Variants in DOCK1 observed in about 807,000 individuals in gnomAD.
DOCK1 encodes the protein dedicator of cytokinesis protein 1.
DOCK1 carries 138 observed loss-of-function variants against 262.7 expected under a neutral mutation model. The observed-to-expected ratio is 0.53, with a 90% CI of 0.46 to 0.61. The LOEUF is 0.61. Ranked by LOEUF, DOCK1 falls within the 20% of genes least tolerant of loss-of-function variation. The pLI, the probability that DOCK1 is intolerant of heterozygous loss-of-function variation, is 0.00. For synonymous variants in DOCK1, 866 were observed against 867.4 expected (o/e 1.00, Z 0.03); for missense variants, 1,908 against 2,370.7 (o/e 0.80, Z 4.05).
rs192442371 is a variant in DOCK1 at position 127,433,521 on chromosome 10, A to G, written c.5060+93A>G. On this transcript the variant is annotated intron_variant, in intron 48 of 51. Coordinates refer to ENST00000623213, the MANE Select transcript of DOCK1 (RefSeq NM_001290223.2). ...AGGGCTCTGGGTTTATTTTCTTACAACTGAGGATTTTGTGTTCATCAAAAT... is the reference window on the plus strand; with the variant it reads ...AGGGCTCTGGGTTTATTTTCTTACAGCTGAGGATTTTGTGTTCATCAAAAT... 207 of 1,441,400 alleles carry G rather than the reference A, an allele frequency of 1.4e-4. No individual in the cohort carries two copies. In the African/African-American group the frequency reaches 2.6e-3, roughly 18 times the overall value. 89.3% of individuals were successfully genotyped at this position (1,441,400 alleles called of 1,614,324 possible).
At chr10:127,083,153 T>C (rs1289509081) in intron 23 of DOCK1, among the ~76,000 whole-genome samples, 1 of 152,186 alleles carries the variant, frequency 6.6e-6, no homozygotes, top group Non-Finnish European at 1.5e-5. Context: ...AGATCTGTCT[T>C]CTCTAGCAGG....
At chr10:127,260,939 A>G (rs1455992138) in intron 29 of DOCK1, among the ~76,000 whole-genome samples, 11 of 55,788 alleles carry the variant, frequency 2.0e-4, no homozygotes, top group Non-Finnish European at 2.0e-4. Context: ...GTGTGTGTGT[A>G]CCCGTGCTCA....
At chr10:126,985,171 G>C (rs1414507338) in intron 4 of DOCK1, among the ~76,000 whole-genome samples, 1 of 134,034 alleles carries the variant, frequency 7.5e-6, no homozygotes, top group East Asian at 2.0e-4. Flanking sequence ...AGTAGAGACA[G>C]GGTTTCACCA....
At chr10:127,406,310 T>C (rs1297726930) in intron 40 of DOCK1, among the ~76,000 whole-genome samples, 1 of 152,166 alleles carries the variant, frequency 6.6e-6, no homozygotes, top group East Asian at 1.9e-4. Flanking sequence ...CCCGAGCCAA[T>C]AGATGCCAGG....
chr10:127,152,023 ATT>A lies in DOCK1; in HGVS notation c.2847+24266_2847+24267del, dbSNP rs879571862. On this transcript the variant is annotated intron_variant, in intron 27 of 51. Transcript: ENST00000623213. ...AAACAGTGTTCACATATATATATAT[ATT>A]TTTTTTCGATCACCCACAGAATATT... Among the ~76,000 whole-genome samples, 368 of 56,562 alleles carry A rather than the reference ATT, an allele frequency of 6.5e-3. 4 individuals carry two copies. Among genetic ancestry groups the A allele is most frequent in the East Asian group, 0.043 (87 of 2,006 alleles). 37.1% of individuals were successfully genotyped at this position (56,562 alleles called of 152,430 possible). A position where few individuals can be genotyped will look rare whatever the true frequency, so the allele number is the denominator to read the frequency against.
chr10:127,076,276 C>T (rs938083571), intron 23 of DOCK1, among the ~76,000 whole-genome samples: 42 of 152,166 alleles, frequency 2.8e-4, no homozygotes, highest in African/African-American at 7.0e-4. Context: ...CCGAGGTGGG[C>T]GGATCACAAG....
At chr10:127,209,879 C>CT (rs1186564446) in intron 27 of DOCK1, among the ~76,000 whole-genome samples, 2 of 152,168 alleles carry the variant, frequency 1.3e-5, no homozygotes, top group East Asian at 3.9e-4. Context: ...CGCAGAATCT[C>CT]TCAGCAGAGA....
At position 127,134,301 on chromosome 10, in the gene DOCK1, G is replaced by C. The variant is rs1475959774; in HGVS notation, c.2847+6537G>C. ...TATAGGTTGGAGTTGGTCTGCCTGA[G>C]GCTGGGCCATGACTGTGACACCATT... On this transcript the variant is annotated intron_variant, in intron 27 of 51. Transcript: ENST00000623213. Among the ~76,000 whole-genome samples the C allele has an allele frequency of 5.3e-5, 8 of 152,286 alleles. No individual in the cohort carries two copies. The East Asian group carries it at 1.5e-3, about 29-fold the overall frequency.
chr10:127,378,724 G>T (rs915515200), intron 35 of DOCK1, among the ~76,000 whole-genome samples: 1 of 152,220 alleles, frequency 6.6e-6, no homozygotes, highest in Non-Finnish European at 1.5e-5. Context: ...TGAAACCGTA[G>T]CTTGTAAATA....
intron 30 of DOCK1, among the ~76,000 whole-genome samples, chr10:127,341,199 T>C (rs12261123): frequency 0.22 from 33,614 of 152,150 alleles, 3,961 homozygotes; most frequent in East Asian, 0.38. Flanking sequence ...CATGAATAGA[T>C]GACTCTTTCC....
intron 33 of DOCK1, among the ~76,000 whole-genome samples, chr10:127,369,195 G>C (rs900950010): frequency 2.4e-4 from 37 of 152,214 alleles, no homozygotes; most frequent in African/African-American, 8.7e-4. Context: ...TGGTGGAAAG[G>C]CCAATGTATT....
intron 27 of DOCK1, among the ~76,000 whole-genome samples, chr10:127,233,674 C>A (rs1424492043): frequency 1.3e-5 from 2 of 152,200 alleles, no homozygotes; most frequent in African/African-American, 4.8e-5. Flanking sequence ...GCTTCTAGAA[C>A]AATGTCCAAA....
intron 22 of DOCK1, among the ~76,000 whole-genome samples, chr10:127,054,048 G>A (rs918760964): frequency 6.6e-6 from 1 of 152,196 alleles, no homozygotes; most frequent in Admixed American, 6.5e-5. Flanking sequence ...AAAGCATGGT[G>A]CCCTTGTAAC....
chr10:127,342,285 A>C (rs897645827), intron 30 of DOCK1, among the ~76,000 whole-genome samples: 1 of 152,112 alleles, frequency 6.6e-6, no homozygotes, highest in African/African-American at 2.4e-5. Flanking sequence ...TGTCAGTCCC[A>C]AAAACAAAAG....
intron 31 of DOCK1, among the ~76,000 whole-genome samples, chr10:127,346,968 C>T (rs949064575): frequency 6.6e-6 from 1 of 152,194 alleles, no homozygotes; most frequent in African/African-American, 2.4e-5. Context: ...GGACAAAGCC[C>T]CCGGAGCCTG....
chr10:127,142,954 C>T (rs1369022348), intron 27 of DOCK1, among the ~76,000 whole-genome samples: 2 of 152,206 alleles, frequency 1.3e-5, no homozygotes, highest in East Asian at 3.9e-4. Context: ...TCTCAGGCTG[C>T]TCTCCAGCCT....
intron 23 of DOCK1, among the ~76,000 whole-genome samples, chr10:127,070,250 CTTTTTTTTTT>C (rs71032535): frequency 1.1e-5 from 1 of 92,952 alleles, no homozygotes; most frequent in East Asian, 3.5e-4. Context: ...GAATTTAGCC[CTTTTTTTTTT>C]TTTTTTTTTT....
intron 28 of DOCK1, among the ~76,000 whole-genome samples, chr10:127,251,450 A>G (rs2059638991): frequency 1.3e-5 from 2 of 151,556 alleles, no homozygotes; most frequent in Admixed American, 1.3e-4. Context: ...TTACATATGT[A>G]TACATGTGCC....
chr10:127,347,318 G>C (rs2063678273), intron 31 of DOCK1, among the ~76,000 whole-genome samples: 1 of 152,212 alleles, frequency 6.6e-6, no homozygotes, highest in African/African-American at 2.4e-5. Context: ...GTCTAGTGGG[G>C]TAAATGGAGA....
Sources: gnomAD v4.1 joint callset for allele counts (sites outside exome capture counted in the v4.1 genomes callset) on GRCh38, gnomAD v4.1.1 for gene constraint, MANE v1.5 for transcripts, NCBI Gene and HGNC (gene_info 2026-07-23, HGNC 2026-07-21) for gene names.